The following AAGAB variants were observed in gnomAD, a reference collection of about 807,000 sequenced individuals.
AAGAB encodes the protein alpha- and gamma-adaptin-binding protein p34.
A neutral mutation model predicts 44.1 loss-of-function variants in AAGAB; 38 were observed. That is an observed-to-expected ratio of 0.86 (90% CI 0.67 to 1.13). The LOEUF is 1.13. Ranked by LOEUF, AAGAB falls within the 50% of genes most tolerant of loss-of-function variation. The probability of loss-of-function intolerance (pLI) is 0.00; values close to 1 mark genes in which losing one functional copy is unlikely to be tolerated. For synonymous variants in AAGAB, 131 were observed against 131.8 expected (o/e 0.99, Z 0.04); for missense variants, 450 against 373.8 (o/e 1.20, Z -1.68).
chr15:67,226,352 C>A (rs1444851519), intron 5 of AAGAB, among the ~76,000 whole-genome samples: 2 of 152,070 alleles, frequency 1.3e-5, no homozygotes, highest in African/African-American at 4.8e-5. Context: ...GAATGCCTGA[C>A]CTCAAACAAT....
At position 67,202,549 on chromosome 15, in the gene AAGAB, T is replaced by C; in HGVS notation, c.*272A>G. The C allele has an allele frequency of 2.6e-6, 1 of 390,602 alleles. No individual in the cohort carries two copies. Among genetic ancestry groups the C allele is most frequent in the South Asian group, 5.1e-5 (1 of 19,472 alleles). The allele number at this position is 390,602 out of a possible 1,614,324, so 24.2% of individuals were successfully genotyped here. A position where few individuals can be genotyped will look rare whatever the true frequency, so the allele number is the denominator to read the frequency against. ...GTAAATCACACAGACCTCTGAGATTTATCCTACCCTCATTCCTAGAACAAA... is the reference window on the plus strand; with the variant it reads ...GTAAATCACACAGACCTCTGAGATTCATCCTACCCTCATTCCTAGAACAAA... On this transcript the variant is annotated 3_prime_UTR_variant, in exon 10 of 10. Coordinates refer to ENST00000261880, the MANE Select transcript of AAGAB (RefSeq NM_024666.5).
chr15:67,207,510 A>G (rs1467645507), intron 7 of AAGAB, among the ~76,000 whole-genome samples: 2 of 152,204 alleles, frequency 1.3e-5, no homozygotes, highest in African/African-American at 4.8e-5. Flanking sequence ...CCTAACTCTC[A>G]CTATCTATAT....
Position 67,236,659 on chromosome 15 carries a change from C to G in AAGAB, c.235G>C (p.Ala79Pro), listed in dbSNP as rs750521244. 1.2e-6 allele frequency: 2 copies of G among 1,613,948 alleles called. No homozygotes were observed. The highest frequency in any genetic ancestry group is 1.7e-6 in the Non-Finnish European group (2 of 1,179,944). ...VTAEIAESVQ[A>P]FVVYFDSTQK... ...GTGCTGTCAAAGTAAACCACAAATG[C>G]TTGGACAGATTCTGCAATCTCTGCA... Residue 79 changes from alanine to proline, a missense_variant, in exon 2 of 10, where the codon GCA (alanine) becomes CCA (proline). Coordinates refer to ENST00000261880, the MANE Select transcript of AAGAB (RefSeq NM_024666.5).
chr15:67,217,781 C>A (rs1595987878), intron 5 of AAGAB, among the ~76,000 whole-genome samples: 2 of 152,146 alleles, frequency 1.3e-5, no homozygotes, highest in African/African-American at 4.8e-5. Flanking sequence ...CGTGATCCAC[C>A]CGCCTTGGCC....
Position 67,234,159 on chromosome 15 carries a change from A to C in AAGAB, c.451+1820T>G, listed in dbSNP as rs1363005453. ...TCCCAGCTACTTGGGAGGCTGAGGC[A>C]GGAGAATGGCGTGAATCTAGGAGGT... is the stretch of plus-strand genomic sequence containing the variant. On this transcript the variant is annotated intron_variant, in intron 4 of 9. Coordinates refer to ENST00000261880, the MANE Select transcript of AAGAB (RefSeq NM_024666.5). Among the ~76,000 whole-genome samples the C allele has an allele frequency of 3.9e-5, 6 of 151,904 alleles. No individual in the cohort carries two copies. In the East Asian group the frequency reaches 1.2e-3, roughly 29 times the overall value.
At chr15:67,251,677 G>C (rs954728186) in intron 1 of AAGAB, among the ~76,000 whole-genome samples, 6 of 152,178 alleles carry the variant, frequency 3.9e-5, no homozygotes, top group African/African-American at 1.4e-4. Flanking sequence ...GGTTTCTCTC[G>C]CTGATACATG....
chr15:67,242,392 C>T (rs895519717), intron 1 of AAGAB, among the ~76,000 whole-genome samples: 4 of 132,926 alleles, frequency 3.0e-5, no homozygotes, highest in African/African-American at 5.5e-5. Context: ...CACTGCAGTC[C>T]GCAGTCCGGC....
chr15:67,219,375 T>C (rs766264354), intron 5 of AAGAB, among the ~76,000 whole-genome samples: 4 of 152,190 alleles, frequency 2.6e-5, no homozygotes, highest in Non-Finnish European at 5.9e-5. Context: ...TCTGCATGCT[T>C]TGCACCATTC....
At chr15:67,209,612 G>A (rs1488090255) in intron 5 of AAGAB, 68 bp from the exon 6 acceptor site, 1 of 1,250,302 alleles carries the variant, frequency 8.0e-7, no homozygotes, top group East Asian at 2.3e-5. Context: ...TGGCTATGAT[G>A]ATGAAACAAA....
At chr15:67,254,318 G>A (rs1427413101) in intron 1 of AAGAB, 2 of 1,133,514 alleles carry the variant, frequency 1.8e-6, no homozygotes, top group Non-Finnish European at 2.3e-6. Flanking sequence ...TGAGCAGAGC[G>A]GGAAATCAGT....
At chr15:67,239,874 A>G (rs1964555367) in intron 1 of AAGAB, among the ~76,000 whole-genome samples, 1 of 152,238 alleles carries the variant, frequency 6.6e-6, no homozygotes, top group Admixed American at 6.5e-5. Context: ...CAAACTGTGC[A>G]CATGGCTAAA....
chr15:67,222,242 GCACACACACACACACACACACACACA>G (rs370826027), intron 5 of AAGAB, among the ~76,000 whole-genome samples: 1 of 90,044 alleles, frequency 1.1e-5, no homozygotes. Flanking sequence ...GCGCGCGCGC[GCACACACACACACACACACACACACA>G]CACACACACA....
In AAGAB at chr15:67,204,009, C is replaced by T. The variant is rs761214742; in HGVS notation, c.820+35G>A. The T allele has an allele frequency of 8.3e-5, 107 of 1,296,514 alleles. 1 individual carries two copies. Among genetic ancestry groups the T allele is most frequent in the Non-Finnish European group, 1.1e-4 (101 of 899,854 alleles). The allele number at this position is 1,296,514 out of a possible 1,614,324, so 80.3% of individuals were successfully genotyped here. On this transcript the variant is annotated intron_variant, in intron 8 of 9. Coordinates refer to ENST00000261880, the MANE Select transcript of AAGAB (RefSeq NM_024666.5). ...ACTACGTAAAACAGACAAGCATCAA[C>T]ATGGGAACATATTAGACACAATGGA...
At chr15:67,216,525 C>T (rs1294628904) in intron 5 of AAGAB, among the ~76,000 whole-genome samples, 2 of 148,502 alleles carry the variant, frequency 1.3e-5, no homozygotes, top group African/African-American at 2.5e-5. Flanking sequence ...TTTTGTCTTC[C>T]TAGTTGTTGT....
intron 5 of AAGAB, among the ~76,000 whole-genome samples, chr15:67,217,923 T>A (rs1043055096): frequency 1.1e-4 from 16 of 152,252 alleles, no homozygotes; most frequent in African/African-American, 3.6e-4. Context: ...GGAATCCTGT[T>A]ACAAGTAACA....
chr15:67,251,329 G>A (rs988098162), intron 1 of AAGAB, among the ~76,000 whole-genome samples: 2 of 151,858 alleles, frequency 1.3e-5, no homozygotes, highest in African/African-American at 4.8e-5. Context: ...CTACAGCCTC[G>A]ATCTCCCAGG....
At chr15:67,233,694 C>G (rs936257554) in intron 4 of AAGAB, among the ~76,000 whole-genome samples, 1 of 152,140 alleles carries the variant, frequency 6.6e-6, no homozygotes, top group African/African-American at 2.4e-5. Context: ...ACCATTCTCA[C>G]AGAAAGTGGA....
At chr15:67,215,428 C>T (rs1963921765) in intron 5 of AAGAB, among the ~76,000 whole-genome samples, 1 of 152,214 alleles carries the variant, frequency 6.6e-6, no homozygotes, top group Non-Finnish European at 1.5e-5. Flanking sequence ...CACCCCCCAA[C>T]ACGCCTAACA....
In AAGAB at chr15:67,201,482, G is replaced by C. The variant is rs973149405; in HGVS notation, c.*1339C>G. ...TATAAGGTAGTGTCTGGAGGGGTGT[G>C]AGCCTTATTTCTTTCTGCTCCTAAC... is the stretch of plus-strand genomic sequence containing the variant. On this transcript the variant is annotated 3_prime_UTR_variant, in exon 10 of 10. Transcript: ENST00000261880. 3.3e-5 allele frequency: 5 copies of C among 152,308 alleles called. No individual in the cohort carries two copies. The highest frequency in any genetic ancestry group is 1.2e-4 in the African/African-American group (5 of 41,406). 9.4% of individuals were successfully genotyped at this position (152,308 alleles called of 1,614,324 possible). A position where few individuals can be genotyped will look rare whatever the true frequency, so the allele number is the denominator to read the frequency against.
Sources: allele counts gnomAD v4.1 joint callset (sites outside exome capture counted in the v4.1 genomes callset), GRCh38; gene constraint gnomAD v4.1.1; transcripts MANE v1.5; gene names NCBI Gene and HGNC (gene_info 2026-07-23, HGNC 2026-07-21).